The following PDK1 variants were observed in gnomAD, a reference collection of about 807,000 sequenced individuals.
PDK1 encodes [Pyruvate dehydrogenase (acetyl-transferring)] kinase isozyme 1, mitochondrial.
A neutral mutation model predicts 54.2 loss-of-function variants in PDK1; 39 were observed. That is an observed-to-expected ratio of 0.72 (90% CI 0.56 to 0.94). PDK1 has a LOEUF of 0.94. Ranked by LOEUF, PDK1 falls within the 40% of genes least tolerant of loss-of-function variation. PDK1 has a pLI of 0.00. For synonymous variants in PDK1, 221 were observed against 207.1 expected (o/e 1.07, Z -0.58); for missense variants, 552 against 566.0 (o/e 0.98, Z 0.25).
chr2:172,607,353 A>G lies in PDK1; in HGVS notation c.*11384A>G, dbSNP rs920678052. 2 of 152,206 alleles carry G rather than the reference A, an allele frequency of 1.3e-5. No individual in the cohort carries two copies. The highest frequency in any genetic ancestry group is 2.9e-5 in the Non-Finnish European group (2 of 68,034). 9.4% of individuals were successfully genotyped at this position (152,206 alleles called of 1,614,324 possible). On this transcript the variant is annotated 3_prime_UTR_variant, in exon 11 of 11. Coordinates refer to ENST00000282077, the MANE Select transcript of PDK1 (RefSeq NM_002610.5). ...TTAATATAGAATCAAACAATTGTGAAAATATAATTGGCTAAGTTTCATATA... is the reference window on the plus strand; with the variant it reads ...TTAATATAGAATCAAACAATTGTGAGAATATAATTGGCTAAGTTTCATATA...
chr2:172,705,447 C>T, the PDK1 span, among the ~76,000 whole-genome samples: 2 of 152,202 alleles, frequency 1.3e-5, no homozygotes, highest in African/African-American at 4.8e-5. Context: ...TTGAGTGAAA[C>T]TCTCTCTATT....
the PDK1 span, among the ~76,000 whole-genome samples, chr2:172,716,333 ATTTTCTTTT>A: frequency 5.3e-5 from 8 of 152,056 alleles, no homozygotes; most frequent in East Asian, 5.8e-4. Context: ...AGTTGGCCTA[ATTTTCTTTT>A]TTTTCTTTTT....
Position 172,578,177 on chromosome 2 carries a change from T to C in PDK1, c.945+7353T>C, listed in dbSNP as rs78873667. ...TGCCTTCCAGCCTCCATGGTTTGGA[T>C]GAGAAATCAGCTGTTACAATCTTAT... On this transcript the variant is annotated intron_variant, in intron 8 of 10. Coordinates refer to ENST00000282077, the MANE Select transcript of PDK1 (RefSeq NM_002610.5). Among the ~76,000 whole-genome samples, 1,248 of 152,348 alleles carry C rather than the reference T, an allele frequency of 8.2e-3. 15 individuals carry two copies. Among genetic ancestry groups the C allele is most frequent in the African/African-American group, 0.028 (1,170 of 41,584 alleles).
At chr2:172,592,521 C>G (rs997810039) in intron 9 of PDK1, among the ~76,000 whole-genome samples, 1 of 152,126 alleles carries the variant, frequency 6.6e-6, no homozygotes, top group African/African-American at 2.4e-5. Flanking sequence ...GTCTCTTTCT[C>G]TCTTTCCTTT....
chr2:172,603,915 A>G lies in PDK1; in HGVS notation c.*7946A>G, dbSNP rs959371618. 3 of 152,188 alleles carry G rather than the reference A, an allele frequency of 2.0e-5. No individual in the cohort carries two copies. The highest frequency in any genetic ancestry group is 7.2e-5 in the African/African-American group (3 of 41,450). The allele number at this position is 152,188 out of a possible 1,614,324, so 9.4% of individuals were successfully genotyped here. ...GGGTTTAACAAAGGAGAGTCCATTT[A>G]TATTTGGCTGGTAAGATCGATGCTT... On this transcript the variant is annotated 3_prime_UTR_variant, in exon 11 of 11. Transcript: ENST00000282077.
chr2:172,701,648 GTTTT>G, the PDK1 span, among the ~76,000 whole-genome samples: 1 of 124,862 alleles, frequency 8.0e-6, no homozygotes, highest in African/African-American at 3.1e-5. Flanking sequence ...TTTTTGTTTT[GTTTT>G]TTTTTTTTTT....
chr2:172,668,906 T>TATAC, the PDK1 span, among the ~76,000 whole-genome samples: 6,292 of 130,476 alleles, frequency 0.048, 554 homozygotes, highest in East Asian at 0.44. Context: ...TATATATATA[T>TATAC]AGAGAGAGAG....
intron 9 of PDK1, 87 bp downstream of exon 9, chr2:172,586,475 G>A: frequency 2.7e-6 from 2 of 738,930 alleles, no homozygotes; most frequent in Non-Finnish European, 4.8e-6. Flanking sequence ...AAGCCGTCAT[G>A]TAGGGTACTC....
At chr2:172,701,533 C>G in the PDK1 span, among the ~76,000 whole-genome samples, 1 of 151,914 alleles carries the variant, frequency 6.6e-6, no homozygotes, top group Non-Finnish European at 1.5e-5. Context: ...CCCAGGATAA[C>G]TTGTTTGGTA....
At chr2:172,571,086 C>T (rs1689226882) in intron 8 of PDK1, among the ~76,000 whole-genome samples, 1 of 152,086 alleles carries the variant, frequency 6.6e-6, no homozygotes. Context: ...TCATTAATAT[C>T]TCTTTGATAA....
At chr2:172,592,262 G>A (rs1690629892) in intron 9 of PDK1, among the ~76,000 whole-genome samples, 1 of 152,196 alleles carries the variant, frequency 6.6e-6, no homozygotes. Flanking sequence ...GGCTTTTGAA[G>A]GAATAGGGTA....
At chr2:172,656,134 C>G in the PDK1 span, among the ~76,000 whole-genome samples, 2 of 152,088 alleles carry the variant, frequency 1.3e-5, no homozygotes, top group African/African-American at 2.4e-5. Context: ...TGAGATTATC[C>G]TCAAGTACAA....
chr2:172,624,622 C>T, the PDK1 span, among the ~76,000 whole-genome samples: 1 of 152,126 alleles, frequency 6.6e-6, no homozygotes, highest in African/African-American at 2.4e-5. Flanking sequence ...AGTGGAGATG[C>T]TGGGGTCCCA....
At chr2:172,574,321 G>A (rs1689461642) in intron 8 of PDK1, among the ~76,000 whole-genome samples, 1 of 152,190 alleles carries the variant, frequency 6.6e-6, no homozygotes, top group African/African-American at 2.4e-5. Flanking sequence ...CTTAATGCCT[G>A]TCTCAATGAT....
At chr2:172,668,936 GA>G in the PDK1 span, among the ~76,000 whole-genome samples, 1 of 128,392 alleles carries the variant, frequency 7.8e-6, no homozygotes, top group East Asian at 2.2e-4. Flanking sequence ...GAGAGAGAGA[GA>G]GAAAGAGAGA....
At chr2:172,622,198 G>A in the PDK1 span, among the ~76,000 whole-genome samples, 1 of 141,730 alleles carries the variant, frequency 7.1e-6, no homozygotes, top group Non-Finnish European at 1.5e-5. Context: ...TATGTGAGAT[G>A]TTTATATCAT....
chr2:172,634,339 C>G, the PDK1 span, among the ~76,000 whole-genome samples: 2 of 148,460 alleles, frequency 1.3e-5, no homozygotes, highest in African/African-American at 4.9e-5. Context: ...ATGGCGCAAT[C>G]TCAGCTCACT....
At chr2:172,568,596 A>G (rs1558933595) in intron 6 of PDK1, 145 bp from the exon 7 acceptor site, 2 of 621,822 alleles carry the variant, frequency 3.2e-6, no homozygotes, top group Admixed American at 2.9e-5. Flanking sequence ...ACACTAATAC[A>G]TTGAAGAAAT....
chr2:172,641,023 C>CTT, the PDK1 span, among the ~76,000 whole-genome samples: 1 of 4,108 alleles, frequency 2.4e-4, no homozygotes, highest in African/African-American at 2.7e-4. Context: ...TCTTTCTTTT[C>CTT]TTTTTCTTTC....
Sources: gnomAD v4.1 joint callset for allele counts (sites outside exome capture counted in the v4.1 genomes callset) on GRCh38, gnomAD v4.1.1 for gene constraint, MANE v1.5 for transcripts, NCBI Gene and HGNC (gene_info 2026-07-23, HGNC 2026-07-21) for gene names.